The following ZBTB21 variants were observed in gnomAD, a reference collection of about 807,000 sequenced individuals.
The protein encoded by ZBTB21 is zinc finger and BTB domain containing 21.
Under a neutral mutation model 39.8 loss-of-function variants are expected in ZBTB21, and 10 were observed. That is an observed-to-expected ratio of 0.25 (90% confidence interval 0.16 to 0.43). ZBTB21 has a LOEUF of 0.43. ZBTB21 is among the 20% of genes least tolerant of loss of function. ZBTB21 has a pLI of 1.00. For synonymous variants in ZBTB21, 551 were observed against 498.8 expected (o/e 1.10, Z -1.40); for missense variants, 1,221 against 1,296.3 (o/e 0.94, Z 0.89).
chr21:41,987,478 T>C lies in ZBTB21; in HGVS notation c.*3417A>G, dbSNP rs1237771628. On this transcript the variant is annotated 3_prime_UTR_variant, in exon 3 of 3. Transcript: ENST00000310826. Reference sequence around the variant, plus strand: ...CTATTTTTTAAAACTTAAAGTTTAGTAGTCAGTGTTAAAGAACACTTTTAA... The same window carrying C: ...CTATTTTTTAAAACTTAAAGTTTAGCAGTCAGTGTTAAAGAACACTTTTAA... The C allele has an allele frequency of 5.9e-5, 9 of 152,184 alleles. No homozygotes were observed. Among genetic ancestry groups the C allele is most frequent in the African/African-American group, 1.9e-4 (8 of 41,432 alleles). 9.4% of individuals were successfully genotyped at this position (152,184 alleles called of 1,614,324 possible). A position where few individuals can be genotyped will look rare whatever the true frequency, so the allele number is the denominator to read the frequency against.
At chr21:42,001,359 T>C (rs2065815399) in intron 2 of ZBTB21, among the ~76,000 whole-genome samples, 1 of 152,274 alleles carries the variant, frequency 6.6e-6, no homozygotes, top group South Asian at 2.1e-4. Flanking sequence ...TATAGACTTA[T>C]GGCTAGCATC....
Position 41,991,276 on chromosome 21 carries a change from G to A in ZBTB21, c.2820C>T (p.His940=), listed in dbSNP as rs147399074. The part of the protein sequence containing the change: ...LLCSVKPFIC[H]VCNKAFRTNF... The stretch of plus-strand genomic sequence containing the variant: ...TAGTGCGAAAAGCTTTGTTGCACAC[G>A]TGACAAATAAATGGTTTCACAGAGC... Residue 940 remains histidine, a synonymous_variant, in exon 3 of 3, where the codon CAC becomes CAT. Coordinates refer to ENST00000310826, the MANE Select transcript of ZBTB21 (RefSeq NM_001098402.2). The surrounding 1 kb of genome is among the most constrained non-coding windows in gnomAD (Gnocchi z 4.9). 322 of 1,613,886 alleles carry A rather than the reference G, an allele frequency of 2.0e-4. 1 individual carries two copies. The highest frequency in any genetic ancestry group is 2.5e-4 in the Non-Finnish European group (296 of 1,179,920).
chr21:42,003,419 C>T (rs898843985), intron 1 of ZBTB21, among the ~76,000 whole-genome samples: 8 of 152,092 alleles, frequency 5.3e-5, no homozygotes, highest in Non-Finnish European at 7.3e-5. Context: ...AAGAATGCTA[C>T]GGGAATACTG....
At position 41,987,844 on chromosome 21, in the gene ZBTB21, G is replaced by T. The variant is rs931134297; in HGVS notation, c.*3051C>A. On this transcript the variant is annotated 3_prime_UTR_variant, in exon 3 of 3. Coordinates refer to ENST00000310826, the MANE Select transcript of ZBTB21 (RefSeq NM_001098402.2). ...AGGTGCATCCACACCGCACCTCCGT[G>T]AACAGACACATTTTATTCCTGTTTC... The T allele has an allele frequency of 2.0e-5, 3 of 152,156 alleles. No homozygotes were observed. Among genetic ancestry groups the T allele is most frequent in the Non-Finnish European group, 2.9e-5 (2 of 68,024 alleles). 9.4% of individuals were successfully genotyped at this position (152,156 alleles called of 1,614,324 possible). A position where few individuals can be genotyped will look rare whatever the true frequency, so the allele number is the denominator to read the frequency against.
rs2065945984 is a variant in ZBTB21 at position 42,010,266 on chromosome 21, G to C, written c.-93C>G. On this transcript the variant is annotated 5_prime_UTR_variant, in exon 1 of 3. Transcript: ENST00000310826. ...CAGTTACTCACCGGTCTTCAGTCTC[G>C]AGGCAGACGCCGGGCCCCTTTCCGC... The C allele has an allele frequency of 2.5e-6, 1 of 398,390 alleles. No individual in the cohort carries two copies. The highest frequency in any genetic ancestry group is 3.6e-5 in the East Asian group (1 of 28,068). 24.7% of individuals were successfully genotyped at this position (398,390 alleles called of 1,614,324 possible). A position where few individuals can be genotyped will look rare whatever the true frequency, so the allele number is the denominator to read the frequency against.
In ZBTB21 at chr21:41,991,209, C is replaced by A; in HGVS notation, c.2887G>T (p.Ala963Ser). The A allele has an allele frequency of 6.2e-7, 1 of 1,614,180 alleles. No homozygotes were observed. Among genetic ancestry groups the A allele is most frequent in the Non-Finnish European group, 8.5e-7 (1 of 1,180,032 alleles). Residue 963 changes from alanine to serine, a missense_variant, in exon 3 of 3, where the codon GCT becomes TCT. This residue lies in a region of ZBTB21 where 523 missense variants were observed against 542.5 expected (regional missense o/e 0.96). Transcript: ENST00000310826. The surrounding 1 kb of genome is among the most constrained non-coding windows in gnomAD (Gnocchi z 4.9). ...WSHFQSHMSQ[A>S]SEESAHKESE... ...TCCTTATGTGCCGATTCCTCTGAAGCCTGAGACATGTGCGATTGGAAGTGA... is the reference window on the plus strand; with the variant it reads ...TCCTTATGTGCCGATTCCTCTGAAGACTGAGACATGTGCGATTGGAAGTGA...
chr21:41,995,242 T>C (rs1393828346), intron 2 of ZBTB21, among the ~76,000 whole-genome samples: 1 of 152,192 alleles, frequency 6.6e-6, no homozygotes, highest in Non-Finnish European at 1.5e-5. Flanking sequence ...CAGGAAAATG[T>C]GGGAAACTTT....
Position 41,992,641 on chromosome 21 carries a change from C to G in ZBTB21, c.1455G>C (p.Arg485Ser). 6.2e-7 allele frequency: 1 copy of G among 1,614,130 alleles called. No homozygotes were observed. Among genetic ancestry groups the G allele is most frequent in the Non-Finnish European group, 8.5e-7 (1 of 1,179,984 alleles). The stretch of plus-strand genomic sequence containing the variant: ...ACGGCAATCTTCGGTCCGCTTGGAA[C>G]CTCCTTTTTGCTGGGAGTCTGCTCA... Reference protein sequence around the residue: ...KDMSRLPAKRRFQADRRLPFK... With the variant: ...KDMSRLPAKRSFQADRRLPFK... Residue 485 changes from arginine to serine, a missense_variant, in exon 3 of 3, where the codon AGG becomes AGC. By Grantham distance (110) the Arg-to-Ser change is moderately radical. This residue lies in a region of ZBTB21 where 500 missense variants were observed against 465.6 expected (regional missense o/e 1.07). Transcript: ENST00000310826. The surrounding 1 kb of genome is among the most constrained non-coding windows in gnomAD (Gnocchi z 4.1).
chr21:42,008,314 T>C (rs1213982661), intron 1 of ZBTB21, among the ~76,000 whole-genome samples: 12 of 118,302 alleles, frequency 1.0e-4, no homozygotes, highest in Non-Finnish European at 1.6e-5. Context: ...AAGGCCATCC[T>C]GGTCAACAGG....
Position 41,992,544 on chromosome 21 carries a change from T to C in ZBTB21, c.1552A>G (p.Thr518Ala), listed in dbSNP as rs1181927407. The change falls in exon 3 of 3, where the codon ACT becomes GCT. Residue 518 changes from threonine (T) to alanine (A), a missense_variant. By Grantham distance (58) the Thr-to-Ala change is moderately conservative. This residue lies in a region of ZBTB21 where 500 missense variants were observed against 465.6 expected (regional missense o/e 1.07). Coordinates refer to ENST00000310826, the MANE Select transcript of ZBTB21 (RefSeq NM_001098402.2). This position sits in a 1 kb window ranked among gnomAD's most constrained non-coding sequence, Gnocchi z 4.1. Reference protein sequence around the residue: ...EDNFEEGSSPTLLDADFPDSD... With the variant: ...EDNFEEGSSPALLDADFPDSD... ...TCTGGAAAATCTGCATCAAGGAGAG[T>C]AGGGCTTGAGCCTTCCTCAAAATTA... 1.9e-6 allele frequency: 3 copies of C among 1,614,122 alleles called. No individual in the cohort carries two copies. Among genetic ancestry groups the C allele is most frequent in the South Asian group, 1.1e-5 (1 of 91,080 alleles).
intron 2 of ZBTB21, among the ~76,000 whole-genome samples, chr21:41,996,771 C>T (rs967602296): frequency 2.6e-5 from 4 of 152,214 alleles, no homozygotes; most frequent in African/African-American, 7.2e-5. Context: ...TCTCACAATT[C>T]CCCACATCTG....
At position 41,993,168 on chromosome 21, in the gene ZBTB21, A is replaced by G. The variant is rs1345948808; in HGVS notation, c.928T>C (p.Tyr310His). 4 of 1,613,924 alleles carry G rather than the reference A, an allele frequency of 2.5e-6. No homozygotes were observed. Among genetic ancestry groups the G allele is most frequent in the Non-Finnish European group, 2.5e-6 (3 of 1,180,018 alleles). Reference protein sequence around the residue: ...GQGEDRNLLYYSKLGLVIPSS... With the variant: ...GQGEDRNLLYHSKLGLVIPSS... ...GGGATCACTAAGCCTAACTTTGAAT[A>G]GTACAACAAGTTTCTATCTTCACCT... The change falls in exon 3 of 3, where the codon TAT becomes CAT. Residue 310 changes from tyrosine (Y) to histidine (H), a missense_variant. Coordinates refer to ENST00000310826, the MANE Select transcript of ZBTB21 (RefSeq NM_001098402.2).
chr21:41,989,163 T>C lies in ZBTB21; in HGVS notation c.*1732A>G, dbSNP rs897123808. The C allele has an allele frequency of 1.3e-5, 2 of 152,156 alleles. No homozygotes were observed. The highest frequency in any genetic ancestry group is 4.8e-5 in the African/African-American group (2 of 41,454). 9.4% of individuals were successfully genotyped at this position (152,156 alleles called of 1,614,324 possible). A position where few individuals can be genotyped will look rare whatever the true frequency, so the allele number is the denominator to read the frequency against. ...ATTTAAGAAAGAATAGGAAGTTAAC[T>C]ACTAAAATATTGTGGAATTTTGGAG... On this transcript the variant is annotated 3_prime_UTR_variant, in exon 3 of 3. Transcript: ENST00000310826.
In ZBTB21 at chr21:41,992,257, A is replaced by T. The variant is rs2146282167; in HGVS notation, c.1839T>A (p.Val613=). The T allele has an allele frequency of 6.2e-7, 1 of 1,614,098 alleles. No homozygotes were observed. The highest frequency in any genetic ancestry group is 2.2e-5 in the East Asian group (1 of 44,862). ...GCTTTCTTTGGAATTTTTCATCCAA[A>T]ACAGCATGTGAACTAGAGGCTGGTG... ...NPSPASSSHA[V]LDEKFQRKLI... is the part of the protein sequence containing the mutation. The change falls in exon 3 of 3, where the codon GTT becomes GTA. Residue 613 remains valine (V), a synonymous_variant. Coordinates refer to ENST00000310826, the MANE Select transcript of ZBTB21 (RefSeq NM_001098402.2). The surrounding 1 kb of genome is among the most constrained non-coding windows in gnomAD (Gnocchi z 4.1).
intron 1 of ZBTB21, among the ~76,000 whole-genome samples, chr21:42,008,558 AAAAAGAAAAAAAG>A (rs1179984155): frequency 2.3e-5 from 3 of 128,036 alleles, no homozygotes; most frequent in East Asian, 2.0e-4. Context: ...AAAAAAAAAA[AAAAAGAAAAAAAG>A]AAAAGAAAAG....
intron 1 of ZBTB21, among the ~76,000 whole-genome samples, chr21:42,005,252 C>G (rs2065865537): frequency 6.6e-6 from 1 of 152,012 alleles, no homozygotes; most frequent in East Asian, 1.9e-4. Context: ...AGAAGAACTG[C>G]TCTTGTCCCA....
chr21:41,991,161 T>C lies in ZBTB21; in HGVS notation c.2935A>G (p.Thr979Ala), dbSNP rs1555909996. ...AGAGGTGGTGGAGAGGGAGAGTTTG[T>C]GGGAACAGGGCACACCTCAGATTCC... ...HKESEVCPVP[T>A]NSPSPPPLPP... The change falls in exon 3 of 3, where the codon ACA becomes GCA. Residue 979 changes from threonine to alanine, a missense_variant. This residue lies in a region of ZBTB21 where 523 missense variants were observed against 542.5 expected (regional missense o/e 0.96). Transcript: ENST00000310826. The surrounding 1 kb of genome is among the most constrained non-coding windows in gnomAD (Gnocchi z 4.9). 1 of 1,614,130 alleles carries C rather than the reference T, an allele frequency of 6.2e-7. No individual in the cohort carries two copies. The highest frequency in any genetic ancestry group is 1.3e-5 in the African/African-American group (1 of 75,028).
chr21:41,997,382 C>A (rs770232148), intron 2 of ZBTB21, among the ~76,000 whole-genome samples: 52 of 152,226 alleles, frequency 3.4e-4, no homozygotes, highest in Middle Eastern at 6.8e-3. Context: ...TCGAGACAAG[C>A]CTGGCCAACA....
intron 1 of ZBTB21, among the ~76,000 whole-genome samples, chr21:42,004,838 A>G (rs2065860226): frequency 6.6e-6 from 1 of 152,248 alleles, no homozygotes; most frequent in South Asian, 2.1e-4. Flanking sequence ...CAGACTGCTT[A>G]TCCCCAAACC....
Sources: gnomAD v4.1 joint callset for allele counts (sites outside exome capture counted in the v4.1 genomes callset) on GRCh38, gnomAD v4.1.1 for gene constraint, gnomAD v4.1.1 regional missense constraint, Gnocchi (gnomAD v3.1) non-coding constraint, MANE v1.5 for transcripts, NCBI Gene and HGNC (gene_info 2026-07-23, HGNC 2026-07-21) for gene names.